CELF2: variants seen among roughly 807,000 people sequenced by gnomAD.
CELF2 encodes the protein CUG triplet repeat RNA-binding protein 2.
CELF2 carries 8 observed loss-of-function variants against 62.6 expected under a neutral mutation model. That is an observed-to-expected ratio of 0.13 (90% CI 0.07 to 0.23). CELF2 has a LOEUF of 0.23. CELF2 is among the 10% of genes least tolerant of loss of function. The probability of loss-of-function intolerance (pLI) is 1.00; values close to 1 mark genes in which losing one functional copy is unlikely to be tolerated. For synonymous variants in CELF2, 258 were observed against 250.0 expected (o/e 1.03, Z -0.30); for missense variants, 333 against 671.0 (o/e 0.50, Z 5.56).
intron 1 of CELF2, among the ~76,000 whole-genome samples, chr10:11,023,740 T>C (rs2058704468): frequency 6.6e-6 from 1 of 152,268 alleles, no homozygotes. Flanking sequence ...ATTCCAGTTA[T>C]GTGGCTGAAA....
At chr10:10,911,725 C>G (rs1438884550) in intron 1 of CELF2, among the ~76,000 whole-genome samples, 2 of 152,232 alleles carry the variant, frequency 1.3e-5, no homozygotes, top group African/African-American at 4.8e-5. Context: ...GCCTCCTGGA[C>G]TTTATCTTGA....
At chr10:11,181,365 C>T (rs937698209) in intron 2 of CELF2, among the ~76,000 whole-genome samples, 1 of 152,194 alleles carries the variant, frequency 6.6e-6, no homozygotes, top group African/African-American at 2.4e-5. Flanking sequence ...TCATTGATGT[C>T]TCTGTATTCA....
chr10:10,807,585 G>A (rs2055363298), intron 1 of CELF2, among the ~76,000 whole-genome samples: 1 of 152,076 alleles, frequency 6.6e-6, no homozygotes, highest in South Asian at 2.1e-4. Flanking sequence ...AGATCAGGTA[G>A]GGAGAAAAAG....
At chr10:11,325,469 G>A (rs553683997) in intron 11 of CELF2, among the ~76,000 whole-genome samples, 23 of 152,128 alleles carry the variant, frequency 1.5e-4, no homozygotes, top group South Asian at 2.1e-4. Context: ...CAGCCTGTCC[G>A]TACCTGAGAA....
chr10:11,087,109 GT>G (rs1205895965), intron 1 of CELF2, among the ~76,000 whole-genome samples: 2 of 152,182 alleles, frequency 1.3e-5, no homozygotes, highest in Non-Finnish European at 2.9e-5. Flanking sequence ...ATAAAGCACT[GT>G]GACATCAGTG....
rs1190676336 is a variant in CELF2, at chr10:11,237,510, G to A, written c.355-11643G>A. On this transcript the variant is annotated intron_variant, in intron 3 of 12. Transcript: ENST00000633077. This position sits in a 1 kb window ranked among gnomAD's most constrained non-coding sequence, Gnocchi z 4.0. ...TCGAGCCCTGCAAAGAGGCTCAGAA[G>A]ATCCAGGTGAGGAGACTTGTTCCCA... Among the ~76,000 whole-genome samples, 2 of 152,204 alleles carry A rather than the reference G, an allele frequency of 1.3e-5. No individual in the cohort carries two copies. Among genetic ancestry groups the A allele is most frequent in the African/African-American group, 4.8e-5 (2 of 41,434 alleles).
intron 9 of CELF2, among the ~76,000 whole-genome samples, chr10:11,312,472 C>G (rs1350318243): frequency 1.3e-5 from 2 of 152,228 alleles, no homozygotes; most frequent in Non-Finnish European, 2.9e-5. Context: ...TCAGAGGGGG[C>G]TCTTCTGCCT....
At chr10:10,697,483 G>A in the CELF2 span, among the ~76,000 whole-genome samples, 5 of 152,204 alleles carry the variant, frequency 3.3e-5, no homozygotes, top group South Asian at 2.1e-4. Context: ...TAGTCTGTTC[G>A]GGCTGCTCTA....
intron 1 of CELF2, among the ~76,000 whole-genome samples, chr10:11,086,932 G>A (rs1293251963): frequency 6.6e-6 from 1 of 152,152 alleles, no homozygotes; most frequent in African/African-American, 2.4e-5. Context: ...TTGAGAATTG[G>A]GTTTGAAGGA....
At chr10:10,468,858 A>G in the CELF2 span, among the ~76,000 whole-genome samples, 4 of 151,876 alleles carry the variant, frequency 2.6e-5, no homozygotes, top group Non-Finnish European at 4.4e-5. Context: ...GCTTCATTCT[A>G]AATTTGATGT....
At chr10:11,222,014 G>A (rs745919569) in intron 3 of CELF2, among the ~76,000 whole-genome samples, 3 of 152,248 alleles carry the variant, frequency 2.0e-5, no homozygotes, top group Admixed American at 6.5e-5. Flanking sequence ...GTTCACCCAG[G>A]TGGAGTGAAT....
At chr10:10,992,962 A>T (rs2053589242) in intron 2 of CELF2, among the ~76,000 whole-genome samples, 1 of 152,142 alleles carries the variant, frequency 6.6e-6, no homozygotes, top group Non-Finnish European at 1.5e-5. Flanking sequence ...GAACTACTTG[A>T]GGATGTGCTG....
At chr10:11,137,632 C>G (rs2060640511) in intron 1 of CELF2, among the ~76,000 whole-genome samples, 1 of 152,164 alleles carries the variant, frequency 6.6e-6, no homozygotes, top group African/African-American at 2.4e-5. Flanking sequence ...ATTAAGCACT[C>G]CATTATTGAC....
At chr10:10,627,562 G>T in the CELF2 span, among the ~76,000 whole-genome samples, 1 of 152,138 alleles carries the variant, frequency 6.6e-6, no homozygotes, top group Non-Finnish European at 1.5e-5. Context: ...ACAGATGTTT[G>T]CTCATTTGAG....
chr10:11,285,115 C>T lies in CELF2; in HGVS notation c.842-3303C>T, dbSNP rs146001083. The stretch of plus-strand genomic sequence containing the variant: ...ATGGATGGGTGGGTGGGTGGATGGG[C>T]GGATGATGGATATATGGATGGATGG... On this transcript the variant is annotated intron_variant, in intron 8 of 12. Coordinates refer to ENST00000633077, the MANE Select transcript of CELF2 (RefSeq NM_001326342.2). The surrounding 1 kb of genome is among the most constrained non-coding windows in gnomAD (Gnocchi z 4.3). 2.5e-4 allele frequency among the ~76,000 whole-genome samples: 37 copies of T among 149,996 alleles called. No individual in the cohort carries two copies. The highest frequency in any genetic ancestry group is 7.9e-4 in the African/African-American group (32 of 40,638).
chr10:10,763,225 A>T, the CELF2 span, among the ~76,000 whole-genome samples: 1 of 152,172 alleles, frequency 6.6e-6, no homozygotes, highest in South Asian at 2.1e-4. Flanking sequence ...GTATTTATGG[A>T]GCACCTGTTT....
chr10:10,645,027 A>C, the CELF2 span, among the ~76,000 whole-genome samples: 41,523 of 152,070 alleles, frequency 0.27, 5,889 homozygotes, highest in South Asian at 0.46. Context: ...AAAACAAACC[A>C]AAAACGAAAA....
chr10:10,558,177 T>C, the CELF2 span, among the ~76,000 whole-genome samples: 2 of 152,246 alleles, frequency 1.3e-5, no homozygotes, highest in African/African-American at 2.4e-5. Context: ...GGGTTTGTCA[T>C]AGATAGCTCT....
intron 1 of CELF2, among the ~76,000 whole-genome samples, chr10:11,053,952 C>T (rs1254559600): frequency 1.3e-5 from 2 of 151,974 alleles, no homozygotes; most frequent in East Asian, 1.9e-4. Context: ...TTCTGTTTAT[C>T]GTTTTTATTA....
Sources: gnomAD v4.1 joint callset for allele counts (sites outside exome capture counted in the v4.1 genomes callset) on GRCh38, gnomAD v4.1.1 for gene constraint, Gnocchi (gnomAD v3.1) non-coding constraint, MANE v1.5 for transcripts, NCBI Gene and HGNC (gene_info 2026-07-23, HGNC 2026-07-21) for gene names.